DYNC1I1: variants seen among roughly 807,000 people sequenced by gnomAD.
The protein encoded by DYNC1I1 is cytoplasmic dynein 1 intermediate chain 1.
DYNC1I1 carries 43 observed loss-of-function variants against 86.6 expected under a neutral mutation model. The ratio of observed to expected loss-of-function variants is 0.50; its 90% CI spans 0.39 to 0.64. The LOEUF is 0.64. Among genes scored for constraint, DYNC1I1 ranks in the 30% least tolerant of loss-of-function variants. The pLI is 0.00. For missense variants in DYNC1I1, 604 were observed against 788.8 expected (o/e 0.77, Z 2.81); for synonymous variants, 262 against 283.7 (o/e 0.92, Z 0.77).
intron 14 of DYNC1I1, among the ~76,000 whole-genome samples, chr7:96,054,283 A>G (rs991578610): frequency 1.2e-4 from 18 of 152,312 alleles, no homozygotes; most frequent in African/African-American, 4.1e-4. Context: ...GATGGTTTCC[A>G]GCTTCATCCA....
chr7:95,801,744 CT>C (rs1794582103), intron 1 of DYNC1I1, among the ~76,000 whole-genome samples: 1 of 152,200 alleles, frequency 6.6e-6, no homozygotes, highest in Non-Finnish European at 1.5e-5. Flanking sequence ...GCATTTATAA[CT>C]TCTCAGATGA....
chr7:95,908,719 C>T (rs1791241487), intron 6 of DYNC1I1, among the ~76,000 whole-genome samples: 1 of 152,084 alleles, frequency 6.6e-6, no homozygotes, highest in African/African-American at 2.4e-5. Context: ...TGGTGATTTT[C>T]CCCAGCGGTT....
chr7:96,037,694 G>A (rs1788897640), intron 13 of DYNC1I1, among the ~76,000 whole-genome samples: 1 of 151,984 alleles, frequency 6.6e-6, no homozygotes, highest in Admixed American at 6.6e-5. Flanking sequence ...TTCTTGTTCT[G>A]TGGCTACTGT....
chr7:95,893,385 T>A (rs1176642413), intron 6 of DYNC1I1, among the ~76,000 whole-genome samples: 7 of 152,180 alleles, frequency 4.6e-5, no homozygotes, highest in African/African-American at 1.7e-4. Context: ...CAGGAAAGCA[T>A]GTGATATTTA....
intron 6 of DYNC1I1, among the ~76,000 whole-genome samples, chr7:95,922,792 G>C (rs1158724176): frequency 6.6e-6 from 1 of 151,832 alleles, no homozygotes; most frequent in Non-Finnish European, 1.5e-5. Flanking sequence ...TTAAAAGGTA[G>C]AACTATTTAA....
At chr7:95,827,526 A>T (rs1016958102) in intron 4 of DYNC1I1, among the ~76,000 whole-genome samples, 1 of 152,222 alleles carries the variant, frequency 6.6e-6, no homozygotes, top group Non-Finnish European at 1.5e-5. Context: ...CAATATATAA[A>T]TAAGCATAAA....
intron 14 of DYNC1I1, among the ~76,000 whole-genome samples, chr7:96,046,316 A>C (rs1789215036): frequency 6.6e-6 from 1 of 152,214 alleles, no homozygotes. Flanking sequence ...TTTGATTTTA[A>C]GGAGTTTGCT....
At position 96,035,608 on chromosome 7, in the gene DYNC1I1, T is replaced by G; in HGVS notation, c.1231-11T>G. ...GACAGATGGAAATGTAACCACACCG[T>G]GTTTTGGTAGGAGAGCATGGAGCTG... is the stretch of plus-strand genomic sequence containing the variant. On this transcript the variant is annotated splice_polypyrimidine_tract_variant and intron_variant, in intron 12 of 16. Coordinates refer to ENST00000447467, the MANE Select transcript of DYNC1I1 (RefSeq NM_001135556.2). The G allele has an allele frequency of 1.3e-6, 2 of 1,566,296 alleles. No homozygotes were observed. Among genetic ancestry groups the G allele is most frequent in the African/African-American group, 2.8e-5 (2 of 72,464 alleles).
At chr7:95,905,663 A>G (rs1488281233) in intron 6 of DYNC1I1, among the ~76,000 whole-genome samples, 2 of 150,620 alleles carry the variant, frequency 1.3e-5, no homozygotes, top group African/African-American at 4.9e-5. Context: ...GGGTAGGGAT[A>G]GGGACTGGAC....
At position 96,038,974 on chromosome 7, in the gene DYNC1I1, A is replaced by G. The variant is rs1323314246; in HGVS notation, c.1365-303A>G. Among the ~76,000 whole-genome samples, 5 of 152,240 alleles carry G rather than the reference A, an allele frequency of 3.3e-5. No individual in the cohort carries two copies. In the East Asian group the frequency reaches 9.6e-4, roughly 29 times the overall value. On this transcript the variant is annotated intron_variant, in intron 13 of 16. Transcript: ENST00000447467. Reference sequence around the variant, plus strand: ...TATTTGTTTCCATTAAAATAGCTGCATCAGCAATGATAGGCTTTGAGGAAT... The same window carrying G: ...TATTTGTTTCCATTAAAATAGCTGCGTCAGCAATGATAGGCTTTGAGGAAT...
intron 5 of DYNC1I1, among the ~76,000 whole-genome samples, chr7:95,857,137 T>C (rs1789747055): frequency 6.6e-6 from 1 of 152,172 alleles, no homozygotes; most frequent in South Asian, 2.1e-4. Context: ...GTGACATAAC[T>C]CTAAGCCCAA....
chr7:96,081,099 G>T (rs150662542), intron 16 of DYNC1I1, among the ~76,000 whole-genome samples: 2 of 147,782 alleles, frequency 1.4e-5, no homozygotes, highest in East Asian at 4.0e-4. Flanking sequence ...GAAAAGAAAA[G>T]TTTGCCAAAT....
Position 95,996,033 on chromosome 7 carries a change from A to T in DYNC1I1, c.929A>T (p.Lys310Met), listed in dbSNP as rs1274437633. The T allele has an allele frequency of 6.2e-7, 1 of 1,613,844 alleles. No homozygotes were observed. Among genetic ancestry groups the T allele is most frequent in the African/African-American group, 1.3e-5 (1 of 74,912 alleles). ...PDGVALVWNM[K>M]FKKTTPEYVF... Reference sequence around the variant, plus strand: ...GGAGTGGCCTTGGTTTGGAACATGAAGTTTAAGAAAACCACACCAGAATAC... The same window carrying T: ...GGAGTGGCCTTGGTTTGGAACATGATGTTTAAGAAAACCACACCAGAATAC... The change falls in exon 10 of 17, where the codon AAG becomes ATG. Residue 310 changes from lysine to methionine, a missense_variant. Transcript: ENST00000447467.
At chr7:95,818,317 T>G (rs1291389951) in intron 4 of DYNC1I1, among the ~76,000 whole-genome samples, 1 of 151,834 alleles carries the variant, frequency 6.6e-6, no homozygotes, top group Non-Finnish European at 1.5e-5. Flanking sequence ...AATCTTTTTT[T>G]TTTTTAAAGA....
Position 96,097,618 on chromosome 7 carries a change from G to GC in DYNC1I1, c.*30dup. 6.2e-7 allele frequency: 1 copy of GC among 1,612,856 alleles called. No homozygotes were observed. The highest frequency in any genetic ancestry group is 8.5e-7 in the Non-Finnish European group (1 of 1,179,344). ...GTGGAAATGAGCCACCCCCACTGCA[G>GC]CCCCCACCTTTGTGTCCTAGAGCTC... On this transcript the variant is annotated 3_prime_UTR_variant, in exon 17 of 17. Coordinates refer to ENST00000447467, the MANE Select transcript of DYNC1I1 (RefSeq NM_001135556.2).
chr7:95,900,776 T>G (rs765873147), intron 6 of DYNC1I1, among the ~76,000 whole-genome samples: 4 of 152,160 alleles, frequency 2.6e-5, no homozygotes, highest in Non-Finnish European at 5.9e-5. Flanking sequence ...ACAAATGGAA[T>G]AAAAAAGTTT....
At chr7:95,959,451 A>T (rs1792804830) in intron 6 of DYNC1I1, among the ~76,000 whole-genome samples, 1 of 152,184 alleles carries the variant, frequency 6.6e-6, no homozygotes, top group Non-Finnish European at 1.5e-5. Context: ...TCTTTCAGAG[A>T]TTAAGAAGGT....
At chr7:95,819,728 A>T (rs909459835) in intron 4 of DYNC1I1, among the ~76,000 whole-genome samples, 2 of 152,320 alleles carry the variant, frequency 1.3e-5, no homozygotes, top group African/African-American at 4.8e-5. Flanking sequence ...GACTTTGGGG[A>T]GACTGAAGTC....
At chr7:95,996,189 T>C in intron 10 of DYNC1I1, 116 bp downstream of exon 10, 1 of 1,494,840 alleles carries the variant, frequency 6.7e-7, no homozygotes, top group Non-Finnish European at 9.0e-7. Context: ...ATGAAATTGT[T>C]GACAATTTTG....
Sources: gnomAD v4.1 joint callset for allele counts (sites outside exome capture counted in the v4.1 genomes callset) on GRCh38, gnomAD v4.1.1 for gene constraint, MANE v1.5 for transcripts, NCBI Gene and HGNC (gene_info 2026-07-23, HGNC 2026-07-21) for gene names.